The following GPR158 variants were observed in gnomAD, a reference collection of about 807,000 sequenced individuals.
GPR158 encodes the protein G protein-coupled receptor 158.
A neutral mutation model predicts 78.2 loss-of-function variants in GPR158; 30 were observed. That is an observed-to-expected ratio of 0.38 (90% CI 0.29 to 0.52). The LOEUF (loss-of-function observed/expected upper bound fraction) is 0.52. GPR158 is among the 20% of genes least tolerant of loss of function. The probability of loss-of-function intolerance (pLI) is 0.83; values close to 1 mark genes in which losing one functional copy is unlikely to be tolerated. For missense variants in GPR158, 1,463 were observed against 1,523.5 expected (o/e 0.96, Z 0.66); for synonymous variants, 581 against 591.1 (o/e 0.98, Z 0.25).
intron 4 of GPR158, among the ~76,000 whole-genome samples, chr10:25,418,654 T>A (rs937208140): frequency 1.3e-5 from 2 of 150,128 alleles, no homozygotes; most frequent in Non-Finnish European, 3.0e-5. Flanking sequence ...GAGAGTATGG[T>A]TCCTTACAGC....
At chr10:25,572,148 G>A (rs187715890) in intron 6 of GPR158, among the ~76,000 whole-genome samples, 2 of 152,060 alleles carry the variant, frequency 1.3e-5, no homozygotes, top group African/African-American at 2.4e-5. Context: ...GTTTGCCTAC[G>A]GATCTTTCTA....
At chr10:25,551,918 A>G (rs563712050) in intron 6 of GPR158, among the ~76,000 whole-genome samples, 1 of 152,274 alleles carries the variant, frequency 6.6e-6, no homozygotes, top group East Asian at 1.9e-4. Context: ...TCATATGTTC[A>G]TGCTAGTCTG....
intron 1 of GPR158, among the ~76,000 whole-genome samples, chr10:25,200,298 C>T (rs1234189705): frequency 6.6e-6 from 1 of 151,714 alleles, no homozygotes; most frequent in African/African-American, 2.4e-5. Context: ...TGCTCATTAG[C>T]CATGTATTTA....
intron 1 of GPR158, among the ~76,000 whole-genome samples, chr10:25,194,364 C>T (rs2130646371): frequency 6.6e-6 from 1 of 152,166 alleles, no homozygotes; most frequent in East Asian, 1.9e-4. Flanking sequence ...CATGGTGAAA[C>T]CCCATCTCTA....
Position 25,194,655 on chromosome 10 carries a change from T to G in GPR158, c.902+18333T>G, listed in dbSNP as rs558075828. The stretch of plus-strand genomic sequence containing the variant: ...GAAGTATAGGCAGACTTATCCCTAG[T>G]GAAGAGTAGTCACAATCGAAAACTG... On this transcript the variant is annotated intron_variant, in intron 1 of 10. Coordinates refer to ENST00000376351, the MANE Select transcript of GPR158 (RefSeq NM_020752.3). 3.3e-5 allele frequency among the ~76,000 whole-genome samples: 5 copies of G among 152,254 alleles called. No individual in the cohort carries two copies. The South Asian group carries it at 1.0e-3, about 32-fold the overall frequency.
chr10:25,253,278 G>A (rs1242279617), intron 2 of GPR158, among the ~76,000 whole-genome samples: 8 of 152,182 alleles, frequency 5.3e-5, no homozygotes, highest in African/African-American at 9.6e-5. Context: ...GGTCTTCTGC[G>A]TCGGTCACGC....
chr10:25,323,532 T>TC (rs1854986188), intron 2 of GPR158, among the ~76,000 whole-genome samples: 1 of 152,002 alleles, frequency 6.6e-6, no homozygotes, highest in Admixed American at 6.6e-5. Flanking sequence ...AGGTAGATTT[T>TC]TTTTTTTTTT....
At chr10:25,242,678 G>T (rs918106959) in intron 2 of GPR158, among the ~76,000 whole-genome samples, 4 of 152,038 alleles carry the variant, frequency 2.6e-5, no homozygotes, top group African/African-American at 9.7e-5. Flanking sequence ...CTTTATTTAA[G>T]ATTAATATCA....
intron 2 of GPR158, among the ~76,000 whole-genome samples, chr10:25,395,258 A>G (rs970724839): frequency 6.6e-6 from 1 of 152,160 alleles, no homozygotes; most frequent in Non-Finnish European, 1.5e-5. Context: ...ATATTTTGAA[A>G]GCTGTTTTTC....
At chr10:25,300,848 G>A (rs1002236515) in intron 2 of GPR158, among the ~76,000 whole-genome samples, 14 of 152,048 alleles carry the variant, frequency 9.2e-5, no homozygotes, top group African/African-American at 3.4e-4. Flanking sequence ...GGAAAGAGAG[G>A]GAGAGAGAAA....
chr10:25,297,432 A>G (rs936845410), intron 2 of GPR158, among the ~76,000 whole-genome samples: 1 of 152,044 alleles, frequency 6.6e-6, no homozygotes, highest in Middle Eastern at 3.2e-3. Flanking sequence ...TTCAGATTCC[A>G]AAGAATTGTT....
rs575276220 is a variant in GPR158, at chr10:25,411,485, G to A, written c.1112-765G>A. Among the ~76,000 whole-genome samples the A allele has an allele frequency of 1.4e-4, 21 of 152,264 alleles. 1 individual carries two copies. The highest frequency in any genetic ancestry group is 4.6e-4 in the African/African-American group (19 of 41,550). Reference sequence around the variant, plus strand: ...CAGTCAAAGTCTCATTTTGGATTCTGGGCTATCTAGGTCAAGAAGTTCCCA... The same window carrying A: ...CAGTCAAAGTCTCATTTTGGATTCTAGGCTATCTAGGTCAAGAAGTTCCCA... On this transcript the variant is annotated intron_variant, in intron 3 of 10. Transcript: ENST00000376351.
intron 1 of GPR158, among the ~76,000 whole-genome samples, chr10:25,189,956 ATGAATGAAC>A (rs1852751796): frequency 6.6e-6 from 1 of 151,576 alleles, no homozygotes; most frequent in Admixed American, 6.6e-5. Flanking sequence ...ACAAATGAAG[ATGAATGAAC>A]TGATGGAAAA....
At chr10:25,251,297 A>C (rs956277879) in intron 2 of GPR158, among the ~76,000 whole-genome samples, 44 of 151,818 alleles carry the variant, frequency 2.9e-4, no homozygotes, top group East Asian at 2.1e-3. Context: ...TTAATTGGAG[A>C]ATTTAGTCCA....
At chr10:25,530,067 T>G (rs911119075) in intron 5 of GPR158, among the ~76,000 whole-genome samples, 4 of 152,130 alleles carry the variant, frequency 2.6e-5, no homozygotes, top group African/African-American at 9.7e-5. Flanking sequence ...CCCTTCTGCT[T>G]CTTATAGGTT....
chr10:25,193,339 T>G lies in GPR158; in HGVS notation c.902+17017T>G, dbSNP rs1216865959. Reference sequence around the variant, plus strand: ...TTCAATAGGATGGTCAGGAAAGACCTATTTGAAGAGGTGACTCTGAGCTGA... The same window carrying G: ...TTCAATAGGATGGTCAGGAAAGACCGATTTGAAGAGGTGACTCTGAGCTGA... On this transcript the variant is annotated intron_variant, in intron 1 of 10. Transcript: ENST00000376351. Among the ~76,000 whole-genome samples the G allele has an allele frequency of 2.0e-5, 3 of 152,166 alleles. No individual in the cohort carries two copies. In the East Asian group the frequency reaches 5.8e-4, roughly 29 times the overall value.
At chr10:25,420,865 T>C (rs531157431) in intron 4 of GPR158, among the ~76,000 whole-genome samples, 1 of 152,306 alleles carries the variant, frequency 6.6e-6, no homozygotes, top group East Asian at 1.9e-4. Context: ...TTGATTACTA[T>C]ATCTTTGTAG....
intron 2 of GPR158, among the ~76,000 whole-genome samples, chr10:25,322,775 C>T (rs2130480576): frequency 6.6e-6 from 1 of 152,312 alleles, no homozygotes; most frequent in African/African-American, 2.4e-5. Context: ...TCCTGTATAT[C>T]TCCATCAGGG....
At chr10:25,432,019 A>C (rs11014549) in intron 4 of GPR158, among the ~76,000 whole-genome samples, 1 of 29,590 alleles carries the variant, frequency 3.4e-5, no homozygotes, top group Non-Finnish European at 1.5e-4. Context: ...AAAATAAAAA[A>C]AAATGCAAAG....
Sources: allele counts gnomAD v4.1 joint callset (sites outside exome capture counted in the v4.1 genomes callset), GRCh38; gene constraint gnomAD v4.1.1; transcripts MANE v1.5; gene names NCBI Gene and HGNC (gene_info 2026-07-23, HGNC 2026-07-21).